Variants in KLF15 observed in about 807,000 individuals in gnomAD.
KLF15 encodes the protein KLF transcription factor 15.
A neutral mutation model predicts 24.6 loss-of-function variants in KLF15; 4 were observed. That is an observed-to-expected ratio of 0.16 (90% CI 0.08 to 0.37). The LOEUF (loss-of-function observed/expected upper bound fraction) is 0.37. Ranked by LOEUF, KLF15 falls within the 10% of genes least tolerant of loss-of-function variation. KLF15 has a pLI of 1.00. For missense variants in KLF15, 496 were observed against 560.6 expected, an observed-to-expected ratio of 0.88 and a Z score of 1.16; for synonymous variants, 246 against 236.3, an observed-to-expected ratio of 1.04 and a Z score of -0.37.
chr3:126,297,881 G>A, the KLF15 span, among the ~76,000 whole-genome samples: 4 of 152,086 alleles, frequency 2.6e-5, no homozygotes, highest in Admixed American at 6.6e-5. Context: ...CCATATTTTT[G>A]CAATTCTGAA....
rs1317463492 is a variant in KLF15 at position 126,352,524 on chromosome 3, G to A, written c.399C>T (p.Val133=). 2 of 1,612,990 alleles carry A rather than the reference G, an allele frequency of 1.2e-6. No homozygotes were observed. Among genetic ancestry groups the A allele is most frequent in the Admixed American group, 3.3e-5 (2 of 60,014 alleles). ...CCAGGGTAGGCTGGAAGGGCCGTGG[G>A]ACGTCATCAGGATCACCCAAAGGAA... ...PEFPLGDPDD[V]PRPFQPTLEE... is the part of the protein sequence containing the mutation. The change falls in exon 2 of 3, where the codon GTC becomes GTT. Residue 133 remains valine, a synonymous_variant. Coordinates refer to ENST00000296233, the MANE Select transcript of KLF15 (RefSeq NM_014079.4).
chr3:126,353,088 A>G, intron 1 of KLF15, 141 bp from the exon 2 acceptor site: 1 of 995,948 alleles, frequency 1.0e-6, no homozygotes, highest in Non-Finnish European at 1.4e-6. Context: ...CCCCCAGGAG[A>G]GCTGTGCCTG....
chr3:126,307,790 G>A, the KLF15 span, among the ~76,000 whole-genome samples: 1 of 152,194 alleles, frequency 6.6e-6, no homozygotes, highest in Non-Finnish European at 1.5e-5. Context: ...CCTGGGCTGT[G>A]CGTCCCCAGC....
Position 126,343,787 on chromosome 3 carries a change from G to T in KLF15, c.1191C>A (p.Ser397=). 6.2e-7 allele frequency: 1 copy of T among 1,612,128 alleles called. No individual in the cohort carries two copies. Among genetic ancestry groups the T allele is most frequent in the South Asian group, 1.1e-5 (1 of 91,016 alleles). The change falls in exon 3 of 3, where the codon TCC becomes TCA. Residue 397 remains serine (S), a synonymous_variant. Coordinates refer to ENST00000296233, the MANE Select transcript of KLF15 (RefSeq NM_014079.4). ...GGAAGCGGTGCACCTTGATGTGCTT[G>T]GAGAGGTGGTCGCTCCGCGCGAACT... ...EKKFARSDHL[S]KHIKVHRFPR... is the part of the protein sequence containing the mutation.
At chr3:126,311,834 G>A in the KLF15 span, among the ~76,000 whole-genome samples, 1 of 152,236 alleles carries the variant, frequency 6.6e-6, no homozygotes, top group African/African-American at 2.4e-5. Flanking sequence ...GAGTGGGCCA[G>A]GAAGGCGGCC....
chr3:126,319,859 G>T, the KLF15 span, among the ~76,000 whole-genome samples: 10 of 152,302 alleles, frequency 6.6e-5, no homozygotes, highest in Middle Eastern at 0.01. Flanking sequence ...GTGCAGGGGA[G>T]GGGGAACTGG....
chr3:126,289,593 C>T, the KLF15 span, among the ~76,000 whole-genome samples: 2 of 152,184 alleles, frequency 1.3e-5, no homozygotes, highest in Non-Finnish European at 2.9e-5. Flanking sequence ...AAAGACGATA[C>T]ATTTCTCACT....
Position 126,351,954 on chromosome 3 carries a change from A to G in KLF15, c.969T>C (p.Cys323=). ...ACATCTTGCTGCAGCCAGGGAAAGT[A>G]CATTTGTGCATTTTGATGAGTTCTG... The part of the protein sequence containing the change: ...PAAELIKMHK[C]TFPGCSKMYT... The change falls in exon 2 of 3, where the codon TGT becomes TGC. Residue 323 remains cysteine, a synonymous_variant. Coordinates refer to ENST00000296233, the MANE Select transcript of KLF15 (RefSeq NM_014079.4). 6.2e-7 allele frequency: 1 copy of G among 1,612,020 alleles called. No individual in the cohort carries two copies. The highest frequency in any genetic ancestry group is 1.3e-5 in the African/African-American group (1 of 75,024).
intron 2 of KLF15, among the ~76,000 whole-genome samples, chr3:126,346,677 C>T (rs914842828): frequency 6.6e-6 from 1 of 152,164 alleles, no homozygotes; most frequent in Non-Finnish European, 1.5e-5. Flanking sequence ...AGGGTCCTGG[C>T]ACCTGAGAGG....
At position 126,352,776 on chromosome 3, in the gene KLF15, G is replaced by A; in HGVS notation, c.147C>T (p.Pro49=). ...GAGAGTCGGGACTGGAACAGGAGCA[G>A]GGGCTGGAGGCATCGCTGTCATCTT... ...VSEDDSDASS[P]CSCSSPDSQA... Residue 49 remains proline, a synonymous_variant, in exon 2 of 3, where the codon CCC becomes CCT. Transcript: ENST00000296233. 1 of 1,578,644 alleles carries A rather than the reference G, an allele frequency of 6.3e-7. No individual in the cohort carries two copies. The highest frequency in any genetic ancestry group is 8.6e-7 in the Non-Finnish European group (1 of 1,162,022).
chr3:126,304,201 T>A, the KLF15 span, among the ~76,000 whole-genome samples: 1 of 131,764 alleles, frequency 7.6e-6, no homozygotes, highest in African/African-American at 2.5e-5. Context: ...AATTTTGTTC[T>A]GGTACTCAGT....
the KLF15 span, among the ~76,000 whole-genome samples, chr3:126,309,338 G>A: frequency 2.6e-5 from 4 of 152,218 alleles, no homozygotes; most frequent in Non-Finnish European, 2.9e-5. Context: ...ACCACAATGC[G>A]TGCATCCTGG....
chr3:126,305,509 C>T, the KLF15 span, among the ~76,000 whole-genome samples: 2 of 152,234 alleles, frequency 1.3e-5, no homozygotes, highest in African/African-American at 4.8e-5. Context: ...GTAGCCCTCT[C>T]CATTCTCATC....
the KLF15 span, among the ~76,000 whole-genome samples, chr3:126,324,720 T>C: frequency 6.7e-6 from 1 of 148,786 alleles, no homozygotes; most frequent in Non-Finnish European, 1.5e-5. Context: ...TCTGAAAGCA[T>C]ATCATGTCCA....
the KLF15 span, among the ~76,000 whole-genome samples, chr3:126,318,061 G>A: frequency 6.6e-6 from 1 of 151,940 alleles, no homozygotes; most frequent in Admixed American, 6.5e-5. Context: ...GGACCCATGG[G>A]AAAACAGCTC....
intron 1 of KLF15, among the ~76,000 whole-genome samples, chr3:126,353,361 A>T (rs1276291688): frequency 6.6e-6 from 1 of 152,126 alleles, no homozygotes; most frequent in Non-Finnish European, 1.5e-5. Context: ...AGGACTCCTG[A>T]CCTCAGCTTC....
chr3:126,324,626 T>C, the KLF15 span, among the ~76,000 whole-genome samples: 1 of 140,564 alleles, frequency 7.1e-6, no homozygotes, highest in Non-Finnish European at 1.5e-5. Flanking sequence ...GTTTTTTAGA[T>C]AGCCTTTCGT....
chr3:126,319,395 C>T, the KLF15 span, among the ~76,000 whole-genome samples: 1 of 152,212 alleles, frequency 6.6e-6, no homozygotes, highest in Non-Finnish European at 1.5e-5. Context: ...GCCATTTGGC[C>T]TTCCCACCAG....
the KLF15 span, among the ~76,000 whole-genome samples, chr3:126,295,888 C>T: frequency 2.6e-5 from 4 of 152,108 alleles, no homozygotes; most frequent in Admixed American, 2.6e-4. Flanking sequence ...AGCCAGGGAC[C>T]CCCTAAACCC....
Sources: gnomAD v4.1 joint callset for allele counts (sites outside exome capture counted in the v4.1 genomes callset) on GRCh38, gnomAD v4.1.1 for gene constraint, MANE v1.5 for transcripts, NCBI Gene and HGNC (gene_info 2026-07-23, HGNC 2026-07-21) for gene names.